The following RLF variants were observed in gnomAD, a reference collection of about 807,000 sequenced individuals.
RLF encodes the protein RLF zinc finger.
In RLF, 7 loss-of-function variants were observed where a neutral mutation model predicts 162.9. The ratio of observed to expected loss-of-function variants is 0.04; its 90% CI spans 0.02 to 0.08. RLF has a LOEUF of 0.08. Ranked by LOEUF, RLF falls within the 10% of genes least tolerant of loss-of-function variation. The probability of loss-of-function intolerance (pLI) is 1.00; values close to 1 mark genes in which losing one functional copy is unlikely to be tolerated. For synonymous variants in RLF, 782 were observed against 791.5 expected (o/e 0.99, Z 0.20); for missense variants, 1,664 against 2,244.7 (o/e 0.74, Z 5.23).
intron 7 of RLF, among the ~76,000 whole-genome samples, 195 bp from the exon 8 acceptor site, chr1:40,235,597 T>C (rs577711776): frequency 1.6e-4 from 25 of 152,304 alleles, no homozygotes; most frequent in African/African-American, 5.8e-4. Context: ...TGTACATTGT[T>C]CGTAGTTGTA....
chr1:40,213,488 C>T (rs1642888521), intron 5 of RLF, among the ~76,000 whole-genome samples: 1 of 152,218 alleles, frequency 6.6e-6, no homozygotes, highest in African/African-American at 2.4e-5. Context: ...TGTAGCATTA[C>T]TGCAGTTTAA....
chr1:40,235,273 C>T (rs1570566310), intron 7 of RLF, among the ~76,000 whole-genome samples: 2 of 151,948 alleles, frequency 1.3e-5, no homozygotes, highest in Non-Finnish European at 2.9e-5. Context: ...GTTGGTCAGG[C>T]TGGTCTCAAA....
chr1:40,234,732 G>A (rs1643196003), intron 7 of RLF, among the ~76,000 whole-genome samples: 1 of 152,202 alleles, frequency 6.6e-6, no homozygotes, highest in Admixed American at 6.5e-5. Context: ...TCATAGCAGT[G>A]CGTTTTAAGC....
In RLF at chr1:40,237,251, ATTGTAT is replaced by A; in HGVS notation, c.2551_2556del (p.Cys851_Ile852del). ...GAGTCTGCAACAGGTGAAAAGCAAGATTGTATTAATCAGCCCCATCTACTTAACCAA... is the reference window on the plus strand; with the variant it reads ...GAGTCTGCAACAGGTGAAAAGCAAGATAATCAGCCCCATCTACTTAACCAA... On this transcript the variant is annotated inframe_deletion, in exon 8 of 8. Transcript: ENST00000372771. This position sits in a 1 kb window ranked among gnomAD's most constrained non-coding sequence, Gnocchi z 4.4. The A allele has an allele frequency of 1.2e-6, 2 of 1,614,064 alleles. No homozygotes were observed.
chr1:40,180,972 A>G (rs1036413821), intron 1 of RLF, among the ~76,000 whole-genome samples: 4 of 152,196 alleles, frequency 2.6e-5, no homozygotes, highest in Non-Finnish European at 5.9e-5. Flanking sequence ...AATCCAATGT[A>G]ATGAAGCTAT....
chr1:40,221,693 G>T (rs1310612113), intron 5 of RLF, among the ~76,000 whole-genome samples: 1 of 151,644 alleles, frequency 6.6e-6, no homozygotes, highest in Non-Finnish European at 1.5e-5. Context: ...GAGGTCTGGA[G>T]ATTGAGACCA....
intron 5 of RLF, among the ~76,000 whole-genome samples, chr1:40,220,025 T>A (rs1642971410): frequency 6.6e-6 from 1 of 152,066 alleles, no homozygotes; most frequent in Admixed American, 6.5e-5. Flanking sequence ...GGCAGGCAGA[T>A]CATGAGGTCA....
At chr1:40,193,732 A>G (rs1261906907) in intron 3 of RLF, among the ~76,000 whole-genome samples, 2 of 152,066 alleles carry the variant, frequency 1.3e-5, no homozygotes, top group Non-Finnish European at 2.9e-5. Context: ...GTCCTTTCTC[A>G]GTGGAAAATA....
intron 5 of RLF, among the ~76,000 whole-genome samples, chr1:40,218,543 C>G (rs1348194343): frequency 1.3e-5 from 2 of 152,196 alleles, no homozygotes; most frequent in Non-Finnish European, 2.9e-5. Flanking sequence ...CCTTTTCCCT[C>G]CTCACATGCC....
chr1:40,232,976 A>G (rs1283036734), intron 7 of RLF, among the ~76,000 whole-genome samples: 3 of 151,712 alleles, frequency 2.0e-5, no homozygotes, highest in Non-Finnish European at 4.4e-5. Flanking sequence ...AGCCTTCCAA[A>G]GTGCTGGGAT....
At chr1:40,168,434 T>C (rs1642195641) in intron 1 of RLF, among the ~76,000 whole-genome samples, 1 of 152,078 alleles carries the variant, frequency 6.6e-6, no homozygotes, top group Non-Finnish European at 1.5e-5. Flanking sequence ...TTAGTAGAGA[T>C]GGGGTTTCGC....
At chr1:40,220,133 CAGG>C (rs1642973377) in intron 5 of RLF, among the ~76,000 whole-genome samples, 1 of 152,186 alleles carries the variant, frequency 6.6e-6, no homozygotes, top group African/African-American at 2.4e-5. Context: ...GGGGCTGAGA[CAGG>C]AGAATCACTT....
chr1:40,212,064 G>A (rs1048995453), intron 5 of RLF, among the ~76,000 whole-genome samples: 8 of 152,358 alleles, frequency 5.3e-5, no homozygotes, highest in African/African-American at 1.2e-4. Context: ...TTCAGCATAC[G>A]TTCTAAAGTA....
At chr1:40,225,769 C>T (rs1185425418) in intron 6 of RLF, among the ~76,000 whole-genome samples, 3 of 148,694 alleles carry the variant, frequency 2.0e-5, no homozygotes, top group Non-Finnish European at 4.4e-5. Flanking sequence ...CCCAGCTACT[C>T]GTAAGGCTGA....
At chr1:40,202,273 C>T (rs1290978906) in intron 4 of RLF, 139 bp from the exon 5 acceptor site, 2 of 588,812 alleles carry the variant, frequency 3.4e-6, no homozygotes, top group Non-Finnish European at 2.9e-6. Flanking sequence ...AATATTGAGA[C>T]CAGAGTAAAC....
chr1:40,202,686 T>G (rs1451111514), intron 5 of RLF, 72 bp downstream of exon 5: 2 of 911,744 alleles, frequency 2.2e-6, no homozygotes, highest in East Asian at 3.2e-5. Flanking sequence ...GCATGGTTTA[T>G]TTTTTCCCTT....
chr1:40,195,731 A>C lies in RLF; in HGVS notation c.574A>C (p.Ile192Leu), dbSNP rs1378647764. Residue 192 changes from isoleucine to leucine, a missense_variant, in exon 4 of 8, where the codon ATT becomes CTT. Coordinates refer to ENST00000372771, the MANE Select transcript of RLF (RefSeq NM_012421.4). Reference protein sequence around the residue: ...GVWKNPVLLKILSQQPVETEE... With the variant: ...GVWKNPVLLKLLSQQPVETEE... ...GTGGAAAAACCCAGTTCTTCTTAAA[A>C]TTCTGTCTCAACAGCCAGTAGAAAC... The C allele has an allele frequency of 8.7e-6, 14 of 1,613,816 alleles. No individual in the cohort carries two copies. The highest frequency in any genetic ancestry group is 1.2e-5 in the Non-Finnish European group (14 of 1,179,914).
intron 1 of RLF, among the ~76,000 whole-genome samples, chr1:40,176,165 C>T (rs1363792041): frequency 6.6e-6 from 1 of 151,954 alleles, no homozygotes; most frequent in Non-Finnish European, 1.5e-5. Context: ...TGAATTGTTT[C>T]CAGTTTTTGA....
Position 40,189,226 on chromosome 1 carries a change from A to G in RLF, c.392+17A>G, listed in dbSNP as rs1362868887. On this transcript the variant is annotated intron_variant, in intron 2 of 7. Transcript: ENST00000372771. ...ATTAGTACTGTAAGTTTGAGAACTT[A>G]AATCACTCTTAAAATTGAGTACCAT... The G allele has an allele frequency of 6.2e-7, 1 of 1,604,958 alleles. No homozygotes were observed. Among genetic ancestry groups the G allele is most frequent in the Non-Finnish European group, 8.5e-7 (1 of 1,174,144 alleles).
Sources: allele counts gnomAD v4.1 joint callset (sites outside exome capture counted in the v4.1 genomes callset), GRCh38; gene constraint gnomAD v4.1.1; non-coding constraint Gnocchi (gnomAD v3.1); transcripts MANE v1.5; gene names NCBI Gene and HGNC (gene_info 2026-07-23, HGNC 2026-07-21).